Variants in KDM1B observed in about 807,000 individuals in gnomAD.
KDM1B encodes lysine-specific histone demethylase 2.
Under a neutral mutation model 107.4 loss-of-function variants are expected in KDM1B, and 63 were observed. The observed-to-expected ratio is 0.59, with a 90% CI of 0.48 to 0.72. The LOEUF is 0.72. Among genes scored for constraint, KDM1B ranks in the 30% least tolerant of loss-of-function variants. The probability of loss-of-function intolerance (pLI) is 0.00; values close to 1 mark genes in which losing one functional copy is unlikely to be tolerated. For missense variants in KDM1B, 749 were observed against 1,020.8 expected (o/e 0.73, Z 3.63); for synonymous variants, 363 against 363.9 (o/e 1.00, Z 0.03).
chr6:18,203,379 G>A lies in KDM1B; in HGVS notation c.1531+1722G>A, dbSNP rs1057366922. Reference sequence around the variant, plus strand: ...TATCAATAGCTTGTTTAAAAGCTTTGATAGTAGTGCACACATCTCTGTGTA... The same window carrying A: ...TATCAATAGCTTGTTTAAAAGCTTTAATAGTAGTGCACACATCTCTGTGTA... On this transcript the variant is annotated intron_variant, in intron 14 of 21. Transcript: ENST00000650836. This position sits in a 1 kb window ranked among gnomAD's most constrained non-coding sequence, Gnocchi z 5.5. 1.2e-4 allele frequency among the ~76,000 whole-genome samples: 19 copies of A among 152,110 alleles called. No individual in the cohort carries two copies. The highest frequency in any genetic ancestry group is 1.1e-3 in the Admixed American group (17 of 15,266).
intron 6 of KDM1B, among the ~76,000 whole-genome samples, chr6:18,170,449 G>T (rs555543716): frequency 6.6e-6 from 1 of 151,762 alleles, no homozygotes; most frequent in Non-Finnish European, 1.5e-5. Context: ...CATGCTTTTT[G>T]ACTAACTGAA....
At chr6:18,220,797 A>C (rs1024126522) in intron 21 of KDM1B, among the ~76,000 whole-genome samples, 2 of 142,996 alleles carry the variant, frequency 1.4e-5, no homozygotes, top group African/African-American at 5.2e-5. Context: ...TTTGAGATGG[A>C]GTCTCGCTGT....
chr6:18,161,195 A>G (rs912109106), intron 3 of KDM1B, 132 bp from the exon 4 acceptor site: 7 of 709,404 alleles, frequency 9.9e-6, no homozygotes, highest in Non-Finnish European at 1.7e-5. Context: ...CTGTATTGTC[A>G]TCCCTAACCT....
Position 18,201,763 on chromosome 6 carries a change from G to A in KDM1B, c.1531+106G>A. ...TGCGAGGTCGGATGTCGGCAACAGG[G>A]TAGCCCTCCTGAGCATTTCTTTTGG... is the stretch of plus-strand genomic sequence containing the variant. On this transcript the variant is annotated intron_variant, in intron 14 of 21. Coordinates refer to ENST00000650836, the MANE Select transcript of KDM1B (RefSeq NM_001364614.2). The surrounding 1 kb of genome is among the most constrained non-coding windows in gnomAD (Gnocchi z 4.3). The A allele has an allele frequency of 1.1e-6, 1 of 945,650 alleles. No homozygotes were observed. The highest frequency in any genetic ancestry group is 1.8e-5 in the South Asian group (1 of 56,462). 58.6% of individuals were successfully genotyped at this position (945,650 alleles called of 1,614,324 possible). A position where few individuals can be genotyped will look rare whatever the true frequency, so the allele number is the denominator to read the frequency against.
intron 17 of KDM1B, among the ~76,000 whole-genome samples, chr6:18,210,206 G>A (rs556062435): frequency 1.2e-4 from 18 of 152,242 alleles, no homozygotes; most frequent in East Asian, 5.8e-4. Flanking sequence ...GTGATAGACC[G>A]ATGAACCTCC....
chr6:18,217,831 G>A lies in KDM1B; in HGVS notation c.2331G>A (p.Glu777=). Residue 777 remains glutamate (E), a synonymous_variant, in exon 21 of 22, where the codon GAG becomes GAA. Coordinates refer to ENST00000650836, the MANE Select transcript of KDM1B (RefSeq NM_001364614.2). The part of the protein sequence containing the change: ...YSFVKTGGSG[E]AYDIIAEDIQ... ...TTGTGAAGACAGGTGGAAGTGGGGA[G>A]GCCTACGATATCATTGCTGAAGACA... 1.2e-6 allele frequency: 2 copies of A among 1,613,970 alleles called. No individual in the cohort carries two copies. The highest frequency in any genetic ancestry group is 8.5e-7 in the Non-Finnish European group (1 of 1,179,944).
chr6:18,157,881 C>T lies in KDM1B; in HGVS notation c.-14+1955C>T, dbSNP rs1180007315. Among the ~76,000 whole-genome samples, 19 of 137,596 alleles carry T rather than the reference C, an allele frequency of 1.4e-4. No individual in the cohort carries two copies. The Admixed American group carries it at 1.5e-3, about 11-fold the overall frequency. The allele number at this position is 137,596 out of a possible 152,430, so 90.3% of individuals were successfully genotyped here. On this transcript the variant is annotated intron_variant, in intron 2 of 21. Coordinates refer to ENST00000650836, the MANE Select transcript of KDM1B (RefSeq NM_001364614.2). ...AGGCTGGAGTGCAGTGGTGTGATCTCGGCTCACTGCAAGCTCCGCCTGCGG... is the reference window on the plus strand; with the variant it reads ...AGGCTGGAGTGCAGTGGTGTGATCTTGGCTCACTGCAAGCTCCGCCTGCGG...
rs1787301363 is a variant in KDM1B, at chr6:18,191,833, G to A, written c.969+452G>A. 6.6e-6 allele frequency among the ~76,000 whole-genome samples: 1 copy of A among 152,070 alleles called. No individual in the cohort carries two copies. Among genetic ancestry groups the A allele is most frequent in the Non-Finnish European group, 1.5e-5 (1 of 68,016 alleles). On this transcript the variant is annotated intron_variant, in intron 10 of 21. Transcript: ENST00000650836. The surrounding 1 kb of genome is among the most constrained non-coding windows in gnomAD (Gnocchi z 5.1). ...AGGACAGGAATTTTTATTCACCTCG[G>A]CATCCTAAATCAACCAAGACCAGTA...
intron 9 of KDM1B, among the ~76,000 whole-genome samples, chr6:18,189,575 A>G (rs1475213704): frequency 2.0e-5 from 3 of 152,254 alleles, no homozygotes; most frequent in Admixed American, 2.0e-4. Flanking sequence ...TTAAGTAATA[A>G]GAAAATATAC....
chr6:18,172,624 A>T lies in KDM1B; in HGVS notation c.534+1145A>T, dbSNP rs563473052. On this transcript the variant is annotated intron_variant, in intron 7 of 21. Coordinates refer to ENST00000650836, the MANE Select transcript of KDM1B (RefSeq NM_001364614.2). This position sits in a 1 kb window ranked among gnomAD's most constrained non-coding sequence, Gnocchi z 5.2. ...CTTCTGGTCCCAAGCATTTCAAATA[A>T]GAGAAATTCAACCTGGGATTCAAAA... is the stretch of plus-strand genomic sequence containing the variant. 1.3e-5 allele frequency among the ~76,000 whole-genome samples: 2 copies of T among 152,210 alleles called. No individual in the cohort carries two copies. The highest frequency in any genetic ancestry group is 4.1e-4 in the South Asian group (2 of 4,830).
rs373368999 is a variant in KDM1B at position 18,200,462 on chromosome 6, C to T, written c.1245C>T (p.Asp415=). 1 of 1,613,922 alleles carries T rather than the reference C, an allele frequency of 6.2e-7. No individual in the cohort carries two copies. Among genetic ancestry groups the T allele is most frequent in the Non-Finnish European group, 8.5e-7 (1 of 1,179,976 alleles). Residue 415 remains aspartate, a synonymous_variant, in exon 13 of 22, where the codon GAC becomes GAT. Transcript: ENST00000650836. The surrounding 1 kb of genome is among the most constrained non-coding windows in gnomAD (Gnocchi z 4.3). ...GIKVTVLEAK[D]RIGGRVWDDK... ...AGGTGACTGTCCTGGAAGCCAAAGA[C>T]AGAATTGGAGGCCGAGTCTGGGATG...
rs1433129056 is a variant in KDM1B, at chr6:18,214,338, G to A, written c.2109+557G>A. On this transcript the variant is annotated intron_variant, in intron 19 of 21. Transcript: ENST00000650836. The surrounding 1 kb of genome is among the most constrained non-coding windows in gnomAD (Gnocchi z 4.4). The stretch of plus-strand genomic sequence containing the variant: ...TCTTAAAAGGTTTCACATAGGAGCC[G>A]AGGGCAGATTTTCTTTACCATTTGA... Among the ~76,000 whole-genome samples, 2 of 152,176 alleles carry A rather than the reference G, an allele frequency of 1.3e-5. No homozygotes were observed. Among genetic ancestry groups the A allele is most frequent in the Non-Finnish European group, 2.9e-5 (2 of 68,024 alleles).
chr6:18,161,431 G>C lies in KDM1B; in HGVS notation c.192G>C (p.Val64=), dbSNP rs1256029828. ...CAGGCTGTACGGCAACATGTCCTGT[G>C]TGCTTTGCAAGTGCTTCTGAAAGGT... is the stretch of plus-strand genomic sequence containing the variant. The part of the protein sequence containing the change: ...EKAGCTATCP[V]CFASASERCA... The change falls in exon 4 of 22, where the codon GTG becomes GTC. Residue 64 remains valine (V), a synonymous_variant. Transcript: ENST00000650836. 4 of 1,613,962 alleles carry C rather than the reference G, an allele frequency of 2.5e-6. No homozygotes were observed. The African/African-American group carries it at 5.3e-5, about 22-fold the overall frequency.
intron 7 of KDM1B, among the ~76,000 whole-genome samples, chr6:18,184,165 A>T (rs1786668617): frequency 6.6e-6 from 1 of 151,866 alleles, no homozygotes; most frequent in Non-Finnish European, 1.5e-5. Flanking sequence ...CCCTAGAGTA[A>T]CTACCTACTT....
chr6:18,164,433 G>A (rs148093727), intron 5 of KDM1B, among the ~76,000 whole-genome samples: 2,142 of 151,948 alleles, frequency 0.014, 40 homozygotes, highest in African/African-American at 0.049. Flanking sequence ...GAGCCACCAC[G>A]CCTGGCCGTC....
chr6:18,208,603 G>GTATATATATATGTATATATA (rs1554149813), intron 17 of KDM1B, among the ~76,000 whole-genome samples: 8 of 34,916 alleles, frequency 2.3e-4, no homozygotes, highest in Admixed American at 5.7e-4. Context: ...GTATGTGTAT[G>GTATATATATATGTATATATA]TATATATATA....
intron 17 of KDM1B, 78 bp downstream of exon 17, chr6:18,208,284 T>C: frequency 9.3e-7 from 1 of 1,076,842 alleles, no homozygotes; most frequent in Non-Finnish European, 1.4e-6. Context: ...ATCTTTCCTA[T>C]CAAGGAGTTT....
chr6:18,213,761 T>C lies in KDM1B; in HGVS notation c.2089T>C (p.Phe697Leu). 1 of 1,614,206 alleles carries C rather than the reference T, an allele frequency of 6.2e-7. No homozygotes were observed. Among genetic ancestry groups the C allele is most frequent in the Non-Finnish European group, 8.5e-7 (1 of 1,180,020 alleles). Residue 697 changes from phenylalanine (F) to leucine (L), a missense_variant, in exon 19 of 22, where the codon TTC becomes CTC. By Grantham distance (22) the Phe-to-Leu change is conservative (BLOSUM62 0). Transcript: ENST00000650836. This position sits in a 1 kb window ranked among gnomAD's most constrained non-coding sequence, Gnocchi z 5.9. ...CAGCAAGCGAGGGCTTTTTGCCGTGTTCTATGACATGGATCCCCAGGTAAA... is the reference window on the plus strand; with the variant it reads ...CAGCAAGCGAGGGCTTTTTGCCGTGCTCTATGACATGGATCCCCAGGTAAA... ...SASKRGLFAV[F>L]YDMDPQKKHS... is the part of the protein sequence containing the mutation.
chr6:18,188,078 G>A (rs969445240), intron 9 of KDM1B, 76 bp downstream of exon 9: 62 of 1,317,140 alleles, frequency 4.7e-5, no homozygotes, highest in Non-Finnish European at 6.0e-5. Flanking sequence ...TGAGCAAAAC[G>A]CAAAGGATTT....
Sources: gnomAD v4.1 joint callset for allele counts (sites outside exome capture counted in the v4.1 genomes callset) on GRCh38, gnomAD v4.1.1 for gene constraint, Gnocchi (gnomAD v3.1) non-coding constraint, MANE v1.5 for transcripts, NCBI Gene and HGNC (gene_info 2026-07-23, HGNC 2026-07-21) for gene names.